TAOK1: variants seen among roughly 807,000 people sequenced by gnomAD.
TAOK1 encodes serine/threonine-protein kinase TAO1.
Under a neutral mutation model 138.3 loss-of-function variants are expected in TAOK1, and 21 were observed. The ratio of observed to expected loss-of-function variants is 0.15; its 90% CI spans 0.11 to 0.22. The LOEUF is 0.22. TAOK1 is among the 10% of genes least tolerant of loss of function. TAOK1 has a pLI of 1.00. For missense variants in TAOK1, 651 were observed against 1,227.7 expected (o/e 0.53, Z 7.02); for synonymous variants, 361 against 398.4 (o/e 0.91, Z 1.12).
chr17:29,399,599 G>A (rs984705264), intron 1 of TAOK1, among the ~76,000 whole-genome samples: 1 of 152,234 alleles, frequency 6.6e-6, no homozygotes, highest in Non-Finnish European at 1.5e-5. Context: ...ACAGGCGTGA[G>A]CCACTGCGCC....
intron 1 of TAOK1, among the ~76,000 whole-genome samples, chr17:29,422,370 A>ATT (rs760670365): frequency 2.9e-5 from 4 of 138,540 alleles, no homozygotes; most frequent in South Asian, 2.3e-4. Flanking sequence ...CACCCAGCTA[A>ATT]TTTTTTTTTT....
chr17:29,481,023 T>C (rs970507120), intron 7 of TAOK1, among the ~76,000 whole-genome samples: 6 of 152,104 alleles, frequency 3.9e-5, no homozygotes, highest in Non-Finnish European at 8.8e-5. Context: ...ACTTTTATCA[T>C]GGAGCACCAT....
chr17:29,497,978 A>G (rs1312313143), intron 11 of TAOK1, among the ~76,000 whole-genome samples: 1 of 152,140 alleles, frequency 6.6e-6, no homozygotes, highest in Non-Finnish European at 1.5e-5. Flanking sequence ...CAGGATCTCT[A>G]TATATACCCC....
At chr17:29,465,439 C>T (rs1364169713) in intron 2 of TAOK1, among the ~76,000 whole-genome samples, 1 of 151,878 alleles carries the variant, frequency 6.6e-6, no homozygotes, top group Non-Finnish European at 1.5e-5. Flanking sequence ...TGTGAGTCAC[C>T]GCGCCTGGCC....
intron 19 of TAOK1, among the ~76,000 whole-genome samples, chr17:29,536,175 T>C (rs1184487315): frequency 6.6e-6 from 1 of 152,088 alleles, no homozygotes; most frequent in East Asian, 1.9e-4. Flanking sequence ...GGCAGGCGCC[T>C]GTAATCCCAG....
rs1027824118 is a variant in TAOK1 at position 29,544,795 on chromosome 17, A to T, written c.*1773A>T. 6.6e-6 allele frequency: 1 copy of T among 152,160 alleles called. No individual in the cohort carries two copies. The highest frequency in any genetic ancestry group is 1.5e-5 in the Non-Finnish European group (1 of 68,048). 9.4% of individuals were successfully genotyped at this position (152,160 alleles called of 1,614,324 possible). A position where few individuals can be genotyped will look rare whatever the true frequency, so the allele number is the denominator to read the frequency against. On this transcript the variant is annotated 3_prime_UTR_variant, in exon 20 of 20. Transcript: ENST00000261716. Reference sequence around the variant, plus strand: ...GAAGAATCCTTGCTGCTAACTCTGGATCCTGCTTTTCCTATAGTCAGAGGG... The same window carrying T: ...GAAGAATCCTTGCTGCTAACTCTGGTTCCTGCTTTTCCTATAGTCAGAGGG...
intron 1 of TAOK1, among the ~76,000 whole-genome samples, chr17:29,394,059 C>T: frequency 6.9e-6 from 1 of 145,274 alleles, no homozygotes; most frequent in Non-Finnish European, 1.5e-5. Flanking sequence ...GCCATTTTAA[C>T]AGTAAGAAAG....
At chr17:29,526,147 T>G (rs923578593) in intron 17 of TAOK1, among the ~76,000 whole-genome samples, 2 of 151,642 alleles carry the variant, frequency 1.3e-5, no homozygotes, top group Admixed American at 6.6e-5. Context: ...TGGTGGCACA[T>G]GCTTGCTCTC....
intron 1 of TAOK1, among the ~76,000 whole-genome samples, chr17:29,404,832 A>G (rs1001336259): frequency 8.5e-5 from 13 of 152,182 alleles, no homozygotes; most frequent in Non-Finnish European, 1.5e-4. Context: ...TTTTTTGACA[A>G]TATGTTAAAA....
intron 1 of TAOK1, among the ~76,000 whole-genome samples, chr17:29,451,045 C>T (rs765546755): frequency 3.3e-5 from 5 of 152,148 alleles, no homozygotes; most frequent in Non-Finnish European, 7.3e-5. Context: ...TTGATTAGTA[C>T]ACTAGCATAC....
At chr17:29,532,809 A>G (rs2032143655) in intron 18 of TAOK1, among the ~76,000 whole-genome samples, 1 of 151,754 alleles carries the variant, frequency 6.6e-6, no homozygotes, top group South Asian at 2.1e-4. Context: ...CCCCCTTTCT[A>G]TTCCACAAAA....
intron 3 of TAOK1, among the ~76,000 whole-genome samples, chr17:29,473,073 C>T (rs1052345444): frequency 3.9e-5 from 6 of 152,118 alleles, no homozygotes; most frequent in African/African-American, 1.2e-4. Context: ...AAATCTCAAC[C>T]GTGGCCTTAA....
chr17:29,496,204 G>A lies in TAOK1; in HGVS notation c.999+477G>A, dbSNP rs188259222. The stretch of plus-strand genomic sequence containing the variant: ...CAACCTCCACCTCCCTGGTTCAAGC[G>A]ATTCTCCTGCCTCAGCCTCCCGAGT... On this transcript the variant is annotated intron_variant, in intron 11 of 19. Transcript: ENST00000261716. Among the ~76,000 whole-genome samples the A allele has an allele frequency of 6.6e-5, 10 of 151,540 alleles. No homozygotes were observed. In the South Asian group the frequency reaches 1.0e-3, roughly 16 times the overall value.
intron 17 of TAOK1, among the ~76,000 whole-genome samples, chr17:29,524,570 C>T (rs886298970): frequency 2.0e-5 from 3 of 152,194 alleles, no homozygotes; most frequent in Admixed American, 2.0e-4. Context: ...CAAGTGAGCT[C>T]AAGGTTTCCT....
At chr17:29,417,210 T>G (rs921020810) in intron 1 of TAOK1, among the ~76,000 whole-genome samples, 3 of 152,164 alleles carry the variant, frequency 2.0e-5, no homozygotes, top group Non-Finnish European at 4.4e-5. Context: ...GTAAGGGGTT[T>G]TGCCATGTTG....
chr17:29,398,853 A>C (rs1248726913), intron 1 of TAOK1, among the ~76,000 whole-genome samples: 4 of 151,926 alleles, frequency 2.6e-5, no homozygotes, highest in Admixed American at 1.3e-4. Context: ...GATAGTATAT[A>C]CTGGGTTGTT....
intron 6 of TAOK1, 79 bp from the exon 7 acceptor site, chr17:29,480,289 A>T (rs763388165): frequency 2.0e-6 from 2 of 1,010,822 alleles, no homozygotes; most frequent in Non-Finnish European, 2.9e-6. Flanking sequence ...TATCCTATGA[A>T]TTCTTGTTTT....
chr17:29,480,300 A>T lies in TAOK1; in HGVS notation c.450-68A>T. On this transcript the variant is annotated intron_variant, in intron 6 of 19. Transcript: ENST00000261716. ...TCTCTATCCTATGAATTCTTGTTTT[A>T]TTTTTATCGTTTTAAACATAATCTA... is the stretch of plus-strand genomic sequence containing the variant. 1 of 1,160,018 alleles carries T rather than the reference A, an allele frequency of 8.6e-7. No homozygotes were observed. The highest frequency in any genetic ancestry group is 1.6e-5 in the African/African-American group (1 of 64,368). 71.9% of individuals were successfully genotyped at this position (1,160,018 alleles called of 1,614,324 possible).
At chr17:29,414,764 G>A (rs1006888945) in intron 1 of TAOK1, among the ~76,000 whole-genome samples, 2 of 150,648 alleles carry the variant, frequency 1.3e-5, no homozygotes, top group African/African-American at 4.9e-5. Context: ...TCACCATGAC[G>A]GCCAAGCTAG....
Sources: gnomAD v4.1 joint callset for allele counts (sites outside exome capture counted in the v4.1 genomes callset) on GRCh38, gnomAD v4.1.1 for gene constraint, MANE v1.5 for transcripts, NCBI Gene and HGNC (gene_info 2026-07-23, HGNC 2026-07-21) for gene names.